PLA2G6: variants seen among roughly 807,000 people sequenced by gnomAD.
The protein encoded by PLA2G6 is phospholipase A2 group VI.
Under a neutral mutation model 83.8 loss-of-function variants are expected in PLA2G6, and 62 were observed. That is an observed-to-expected ratio of 0.74 (90% confidence interval 0.60 to 0.91). PLA2G6 has a LOEUF of 0.91. Ranked by LOEUF, PLA2G6 falls within the 40% of genes least tolerant of loss-of-function variation. The probability of loss-of-function intolerance (pLI) is 0.00; values close to 1 mark genes in which losing one functional copy is unlikely to be tolerated. For synonymous variants in PLA2G6, 417 were observed against 449.8 expected, an observed-to-expected ratio of 0.93 and a Z score of 0.92; for missense variants, 944 against 1,102.0, an observed-to-expected ratio of 0.86 and a Z score of 2.03.
At chr22:38,121,536 A>G (rs2087530372) in intron 11 of PLA2G6, among the ~76,000 whole-genome samples, 3 of 152,236 alleles carry the variant, frequency 2.0e-5, no homozygotes, top group Admixed American at 2.0e-4. Context: ...CAGAACAGAC[A>G]GGGCCAAGGG....
In PLA2G6 at chr22:38,126,364, C is replaced by T. The variant is rs541596845; in HGVS notation, c.1427+7G>A. 4 of 1,610,354 alleles carry T rather than the reference C, an allele frequency of 2.5e-6. No individual in the cohort carries two copies. The highest frequency in any genetic ancestry group is 3.4e-6 in the Non-Finnish European group (4 of 1,176,876). On this transcript the variant is annotated splice_region_variant and intron_variant, in intron 10 of 16. Coordinates refer to ENST00000332509, the MANE Select transcript of PLA2G6 (RefSeq NM_003560.4). The stretch of plus-strand genomic sequence containing the variant: ...CCCCGCTCTGCCCCCGATCTCGATC[C>T]ACTTACGTCCGCTTCTCGTCCCTCA...
chr22:38,113,429 C>T, intron 15 of PLA2G6, 58 bp downstream of exon 15: 1 of 1,541,184 alleles, frequency 6.5e-7, no homozygotes, highest in Non-Finnish European at 9.0e-7. Context: ...GAGGGGAAGC[C>T]ATCGACCTGG....
Position 38,128,496 on chromosome 22 carries a change from G to T in PLA2G6, c.1187-66C>A. On this transcript the variant is annotated intron_variant, in intron 8 of 16. Coordinates refer to ENST00000332509, the MANE Select transcript of PLA2G6 (RefSeq NM_003560.4). This position sits in a 1 kb window ranked among gnomAD's most constrained non-coding sequence, Gnocchi z 4.4. Reference sequence around the variant, plus strand: ...AAATGATGTCAACATGCAAAGGAGAGGCCCCTCCTTTCCACACTCCGTCCC... The same window carrying T: ...AAATGATGTCAACATGCAAAGGAGATGCCCCTCCTTTCCACACTCCGTCCC... 1.3e-6 allele frequency: 2 copies of T among 1,555,962 alleles called. No individual in the cohort carries two copies. The highest frequency in any genetic ancestry group is 8.8e-7 in the Non-Finnish European group (1 of 1,133,550).
intron 4 of PLA2G6, 175 bp downstream of exon 4, chr22:38,142,930 G>A (rs2089006174): frequency 2.7e-6 from 2 of 742,832 alleles, no homozygotes; most frequent in Non-Finnish European, 4.9e-6. Flanking sequence ...CTGGAAAAGG[G>A]CTGGGAGGGA....
Position 38,132,425 on chromosome 22 carries a change from G to C in PLA2G6, c.1077+406C>G. On this transcript the variant is annotated intron_variant, in intron 7 of 16. Transcript: ENST00000332509. The surrounding 1 kb of genome is among the most constrained non-coding windows in gnomAD (Gnocchi z 5.0). ...TGTGTCACTTAGACATTCTGTAGAG[G>C]GTGACCAAGTGTCCACCATAACTTT... 1 of 327,854 alleles carries C rather than the reference G, an allele frequency of 3.1e-6. No homozygotes were observed. 20.3% of individuals were successfully genotyped at this position (327,854 alleles called of 1,614,324 possible). A position where few individuals can be genotyped will look rare whatever the true frequency, so the allele number is the denominator to read the frequency against.
intron 9 of PLA2G6, chr22:38,126,849 C>A (rs962559096): frequency 8.2e-6 from 3 of 367,630 alleles, no homozygotes; most frequent in African/African-American, 6.3e-5. Flanking sequence ...ATTCTTATTC[C>A]CTATTGACAG....
chr22:38,115,857 A>C, intron 13 of PLA2G6, 176 bp from the exon 14 acceptor site: 1 of 1,475,122 alleles, frequency 6.8e-7, no homozygotes, highest in South Asian at 1.4e-5. Context: ...GTCCTGGTGG[A>C]AGGCAGGTAC....
At chr22:38,160,851 A>G (rs190842828) in intron 2 of PLA2G6, among the ~76,000 whole-genome samples, 1 of 152,328 alleles carries the variant, frequency 6.6e-6, no homozygotes, top group African/African-American at 2.4e-5. Flanking sequence ...TCTCAAAAAA[A>G]AAAAGCCTTT....
chr22:38,143,149 C>T lies in PLA2G6; in HGVS notation c.565G>A (p.Val189Ile), dbSNP rs755993359. ...TCACCCTGGACAGCATAATGGAAGA[C>T]GGTCTCTCCCTTGTAGTCGGTGACA... ...MDVTDYKGET[V>I]FHYAVQGDNS... is the part of the protein sequence containing the mutation. The change falls in exon 4 of 17, where the codon GTC becomes ATC. Residue 189 changes from valine to isoleucine, a missense_variant. Physicochemically the swap from Val to Ile is conservative, Grantham distance 29. Transcript: ENST00000332509. The T allele has an allele frequency of 9.3e-6, 15 of 1,614,100 alleles. No individual in the cohort carries two copies. In the East Asian group the frequency reaches 2.0e-4, roughly 22 times the overall value.
At chr22:38,127,258 C>A in intron 9 of PLA2G6, 1 of 1,229,214 alleles carries the variant, frequency 8.1e-7, no homozygotes. Flanking sequence ...ACAAGGGAAG[C>A]AGAAGAGTGG....
At chr22:38,136,414 C>A (rs2088558136) in intron 5 of PLA2G6, 3 of 152,026 alleles carry the variant, frequency 2.0e-5, no homozygotes, top group African/African-American at 7.3e-5. Context: ...CATGGAGAAA[C>A]CCTGTCTCTA....
intron 1 of PLA2G6, among the ~76,000 whole-genome samples, chr22:38,172,622 A>G (rs1003889918): frequency 1.3e-5 from 2 of 152,198 alleles, no homozygotes; most frequent in African/African-American, 4.8e-5. Context: ...AGCCGGGAAG[A>G]TGGGGACCTG....
rs8135333 is a variant in PLA2G6, at chr22:38,129,140, G to A, written c.1186+314C>T. ...TGGTTCCATCAGTGAATTCCCCAAC[G>A]GTGGGGAAAGAAGGCTGCTGCTGGC... On this transcript the variant is annotated intron_variant, in intron 8 of 16. Coordinates refer to ENST00000332509, the MANE Select transcript of PLA2G6 (RefSeq NM_003560.4). 0.17 allele frequency among the ~76,000 whole-genome samples: 25,178 copies of A among 152,222 alleles called. 3,401 individuals are homozygous for A. The highest frequency in any genetic ancestry group is 0.37 in the African/African-American group (15,353 of 41,502).
At chr22:38,125,063 T>TC (rs35501048) in intron 10 of PLA2G6, among the ~76,000 whole-genome samples, 122 of 152,058 alleles carry the variant, frequency 8.0e-4, no homozygotes, top group African/African-American at 1.4e-3. Context: ...GAAATGTGGG[T>TC]CCCCCCTTCA....
intron 2 of PLA2G6, among the ~76,000 whole-genome samples, chr22:38,155,683 C>T (rs1019521013): frequency 6.1e-4 from 93 of 152,042 alleles, no homozygotes; most frequent in African/African-American, 2.1e-3. Context: ...ACAGCAGATA[C>T]ACACAAAAAA....
At chr22:38,125,947 T>A (rs2087826957) in intron 10 of PLA2G6, among the ~76,000 whole-genome samples, 1 of 152,152 alleles carries the variant, frequency 6.6e-6, no homozygotes, top group Admixed American at 6.5e-5. Context: ...TGGGACTAGG[T>A]ATACAGCAGG....
intron 2 of PLA2G6, chr22:38,148,384 G>C: frequency 1.5e-6 from 1 of 646,264 alleles, no homozygotes; most frequent in Non-Finnish European, 2.8e-6. Flanking sequence ...CAGCAGACTA[G>C]GGAATGTGAA....
chr22:38,114,968 G>A (rs1375099123), intron 14 of PLA2G6, among the ~76,000 whole-genome samples: 1 of 152,074 alleles, frequency 6.6e-6, no homozygotes, highest in African/African-American at 2.4e-5. Flanking sequence ...CCACGCCACA[G>A]GGCCTCCCCT....
chr22:38,176,004 C>T (rs559247765), intron 1 of PLA2G6, among the ~76,000 whole-genome samples: 2 of 152,284 alleles, frequency 1.3e-5, no homozygotes, highest in South Asian at 4.1e-4. Context: ...ACTGTTCCCA[C>T]CCACTCTGAG....
Sources: gnomAD v4.1 joint callset for allele counts (sites outside exome capture counted in the v4.1 genomes callset) on GRCh38, gnomAD v4.1.1 for gene constraint, Gnocchi (gnomAD v3.1) non-coding constraint, MANE v1.5 for transcripts, NCBI Gene and HGNC (gene_info 2026-07-23, HGNC 2026-07-21) for gene names.